The following ADAMTS4 variants were observed in gnomAD, a reference collection of about 807,000 sequenced individuals.
ADAMTS4 encodes A disintegrin and metalloproteinase with thrombospondin motifs 4.
ADAMTS4 carries 38 observed loss-of-function variants against 66.7 expected under a neutral mutation model. The observed-to-expected ratio is 0.57, with a 90% confidence interval of 0.44 to 0.75. The LOEUF (loss-of-function observed/expected upper bound fraction) is 0.75, where lower values mean the gene tolerates loss of function less well. Among genes scored for constraint, ADAMTS4 ranks in the 30% least tolerant of loss-of-function variants. ADAMTS4 has a pLI of 0.00. For missense variants in ADAMTS4, 1,014 were observed against 1,116.7 expected, an observed-to-expected ratio of 0.91 and a Z score of 1.31; for synonymous variants, 418 against 461.5, an observed-to-expected ratio of 0.91 and a Z score of 1.21.
chr1:161,187,390 C>G lies in ADAMTS4; in HGVS notation c.*3748G>C, dbSNP rs1389426494. On this transcript the variant is annotated 3_prime_UTR_variant, in exon 9 of 9. Coordinates refer to ENST00000367996, the MANE Select transcript of ADAMTS4 (RefSeq NM_005099.6). ...AACTAGATGAAACGAGTAAAGATCACTATTGTCTTGTCTCCATCTTCTTCA... is the reference window on the plus strand; with the variant it reads ...AACTAGATGAAACGAGTAAAGATCAGTATTGTCTTGTCTCCATCTTCTTCA... 1 of 152,154 alleles carries G rather than the reference C, an allele frequency of 6.6e-6. No individual in the cohort carries two copies. The highest frequency in any genetic ancestry group is 1.5e-5 in the Non-Finnish European group (1 of 68,048). The allele number at this position is 152,154 out of a possible 1,614,324, so 9.4% of individuals were successfully genotyped here.
intron 8 of ADAMTS4, among the ~76,000 whole-genome samples, chr1:161,191,794 T>C (rs1664690426): frequency 1.3e-5 from 2 of 152,084 alleles, no homozygotes; most frequent in African/African-American, 4.8e-5. Context: ...AAGCCCCACT[T>C]CCTTGGTACC....
In ADAMTS4 at chr1:161,186,800, A is replaced by C. The variant is rs1487592796; in HGVS notation, c.*4338T>G. The C allele has an allele frequency of 1.3e-5, 2 of 152,118 alleles. No homozygotes were observed. Among genetic ancestry groups the C allele is most frequent in the African/African-American group, 4.8e-5 (2 of 41,386 alleles). 9.4% of individuals were successfully genotyped at this position (152,118 alleles called of 1,614,324 possible). A position where few individuals can be genotyped will look rare whatever the true frequency, so the allele number is the denominator to read the frequency against. ...GATCCCTTGAGGCCAGGAGTTCAAG[A>C]CCAGCCTGGGCAATATGATAAGACC... On this transcript the variant is annotated 3_prime_UTR_variant, in exon 9 of 9. Coordinates refer to ENST00000367996, the MANE Select transcript of ADAMTS4 (RefSeq NM_005099.6).
intron 3 of ADAMTS4, 72 bp downstream of exon 3, chr1:161,196,099 A>G: frequency 6.6e-7 from 1 of 1,514,096 alleles, no homozygotes; most frequent in Admixed American, 2.1e-5. Context: ...CCCCATTAAC[A>G]CTGTGGTGAA....
Position 161,193,500 on chromosome 1 carries a change from G to C in ADAMTS4, c.1736-112C>G. On this transcript the variant is annotated intron_variant, in intron 6 of 8. Coordinates refer to ENST00000367996, the MANE Select transcript of ADAMTS4 (RefSeq NM_005099.6). The surrounding 1 kb of genome is among the most constrained non-coding windows in gnomAD (Gnocchi z 4.4). The stretch of plus-strand genomic sequence containing the variant: ...CACAGCTCTGCTCTTCCCTGCAGAC[G>C]GCCAAGGACAATTCCCAGAGGTTAA... The C allele has an allele frequency of 6.6e-7, 1 of 1,516,716 alleles. No individual in the cohort carries two copies. Among genetic ancestry groups the C allele is most frequent in the Admixed American group, 1.9e-5 (1 of 52,916 alleles). 94.0% of individuals were successfully genotyped at this position (1,516,716 alleles called of 1,614,324 possible). A position where few individuals can be genotyped will look rare whatever the true frequency, so the allele number is the denominator to read the frequency against.
Position 161,193,257 on chromosome 1 carries a change from AGGTGAGTTTGCACTGGTCCTGG to A in ADAMTS4, c.1845_1866del (p.Gln616AlafsTer17). Reference sequence around the variant, plus strand: ...TAGTAGCCCAGTGCCTGGGCCTGGCAGGTGAGTTTGCACTGGTCCTGGGGGGCCACGCCTGTGTAGCGAGGAA... The same window carrying A: ...TAGTAGCCCAGTGCCTGGGCCTGGCAGGGGCCACGCCTGTGTAGCGAGGAA... On this transcript the variant is annotated frameshift_variant, in exon 7 of 9. Transcript: ENST00000367996. LOFTEE classifies it high-confidence loss of function. The surrounding 1 kb of genome is among the most constrained non-coding windows in gnomAD (Gnocchi z 4.4). The A allele has an allele frequency of 6.2e-7, 1 of 1,614,034 alleles. No homozygotes were observed. Among genetic ancestry groups the A allele is most frequent in the South Asian group, 1.1e-5 (1 of 91,078 alleles).
Position 161,194,717 on chromosome 1 carries a change from G to A in ADAMTS4, c.1262-496C>T, listed in dbSNP as rs1199721801. On this transcript the variant is annotated intron_variant, in intron 4 of 8. Transcript: ENST00000367996. This position sits in a 1 kb window ranked among gnomAD's most constrained non-coding sequence, Gnocchi z 4.1. ...TAAGAGGCTTTAATGGGCAGCTATA[G>A]TTTATTGGATGCTTATTATGAGATG... 1.3e-5 allele frequency among the ~76,000 whole-genome samples: 2 copies of A among 152,168 alleles called. No individual in the cohort carries two copies. Among genetic ancestry groups the A allele is most frequent in the African/African-American group, 2.4e-5 (1 of 41,438 alleles).
rs752775816 is a variant in ADAMTS4 at position 161,196,569 on chromosome 1, C to T, written c.945G>A (p.Leu315=). The part of the protein sequence containing the change: ...SDPDHFDTAI[L]FTRQDLCGVS... ...ACTGGGGCCTCACCTGACGGGTAAA[C>T]AGAATGGCTGTGTCAAAGTGGTCAG... Residue 315 remains leucine (L), a synonymous_variant, in exon 2 of 9, where the codon CTG becomes CTA. Transcript: ENST00000367996. 1.9e-6 allele frequency: 3 copies of T among 1,614,006 alleles called. No individual in the cohort carries two copies. Among genetic ancestry groups the T allele is most frequent in the African/African-American group, 1.3e-5 (1 of 74,928 alleles).
chr1:161,192,369 G>T, intron 7 of ADAMTS4, 129 bp from the exon 8 acceptor site: 1 of 764,998 alleles, frequency 1.3e-6, no homozygotes, highest in Non-Finnish European at 2.1e-6. Flanking sequence ...AGGGGATGTA[G>T]ATGGGTGAGT....
intron 4 of ADAMTS4, 106 bp downstream of exon 4, chr1:161,195,359 A>G (rs1664785400): frequency 1.6e-6 from 2 of 1,214,546 alleles, no homozygotes; most frequent in East Asian, 2.5e-5. Context: ...GAGGAAGCAC[A>G]CTTGGGGGAG....
rs1465207284 is a variant in ADAMTS4 at position 161,193,994 on chromosome 1, G to C, written c.1489C>G (p.Pro497Ala). 6.2e-7 allele frequency: 1 copy of C among 1,612,148 alleles called. No individual in the cohort carries two copies. Among genetic ancestry groups the C allele is most frequent in the Admixed American group, 1.7e-5 (1 of 59,952 alleles). Residue 497 changes from proline (P) to alanine (A), a missense_variant, in exon 5 of 9, where the codon CCC becomes GCC. By Grantham distance (27) the Pro-to-Ala change is conservative. Coordinates refer to ENST00000367996, the MANE Select transcript of ADAMTS4 (RefSeq NM_005099.6). This position sits in a 1 kb window ranked among gnomAD's most constrained non-coding sequence, Gnocchi z 4.4. ...CGACCACCCATGCAGGCCTGTGCGG[G>C]CCCGCAGGGTGTGCCATCGGCCCAG... ...SPWADGTPCG[P>A]AQACMGGRCL...
At position 161,193,938 on chromosome 1, in the gene ADAMTS4, G is replaced by A. The variant is rs1276276860; in HGVS notation, c.1545C>T (p.Phe515=). 2 of 1,575,338 alleles carry A rather than the reference G, an allele frequency of 1.3e-6. No homozygotes were observed. The highest frequency in any genetic ancestry group is 8.6e-7 in the Non-Finnish European group (1 of 1,157,604). The change falls in exon 5 of 9, where the codon TTC becomes TTT. Residue 515 remains phenylalanine, a synonymous_variant. Coordinates refer to ENST00000367996, the MANE Select transcript of ADAMTS4 (RefSeq NM_005099.6). The surrounding 1 kb of genome is among the most constrained non-coding windows in gnomAD (Gnocchi z 4.4). ...CACCCCTGCCCTAGGATCTCACATT[G>A]AAGTCCTGGAGCTGGTCCATGTGGA... ...RCLHMDQLQD[F]NIPQAGGWGP...
rs780418385 is a variant in ADAMTS4 at position 161,191,513 on chromosome 1, A to G, written c.2139T>C (p.Leu713=). The G allele has an allele frequency of 1.2e-6, 2 of 1,613,902 alleles. No individual in the cohort carries two copies. Among genetic ancestry groups the G allele is most frequent in the Admixed American group, 1.7e-5 (1 of 60,002 alleles). The part of the protein sequence containing the change: ...VTIPAGATHI[L]VRQQGNPGHR... ...GGCCAGGGTTTCCCTGCTGCCGGAC[A>G]AGAATGTGGGTGGCCCCCGCGGGGA... The change falls in exon 9 of 9, where the codon CTT becomes CTC. Residue 713 remains leucine (L), a synonymous_variant. Transcript: ENST00000367996.
chr1:161,192,385 C>A (rs931493777), intron 7 of ADAMTS4, 145 bp from the exon 8 acceptor site: 11 of 622,614 alleles, frequency 1.8e-5, no homozygotes, highest in African/African-American at 1.5e-4. Context: ...TGAGTGCCGG[C>A]CACCATGTGG....
chr1:161,193,898 C>T lies in ADAMTS4; in HGVS notation c.1548+37G>A. 2 of 1,563,222 alleles carry T rather than the reference C, an allele frequency of 1.3e-6. No homozygotes were observed. The highest frequency in any genetic ancestry group is 1.7e-6 in the Non-Finnish European group (2 of 1,152,242). ...GGGCTTAAGGCCAGTCCCCACACCCCCGGGCCCTTTACCCCACCCCTGCCC... is the reference window on the plus strand; with the variant it reads ...GGGCTTAAGGCCAGTCCCCACACCCTCGGGCCCTTTACCCCACCCCTGCCC... On this transcript the variant is annotated intron_variant, in intron 5 of 8. Coordinates refer to ENST00000367996, the MANE Select transcript of ADAMTS4 (RefSeq NM_005099.6). This position sits in a 1 kb window ranked among gnomAD's most constrained non-coding sequence, Gnocchi z 4.4.
rs938583379 is a variant in ADAMTS4 at position 161,195,964 on chromosome 1, G to C, written c.1090+207C>G. On this transcript the variant is annotated intron_variant, in intron 3 of 8. Coordinates refer to ENST00000367996, the MANE Select transcript of ADAMTS4 (RefSeq NM_005099.6). The stretch of plus-strand genomic sequence containing the variant: ...ACACACACACACACACACACACACA[G>C]AGGAGTTCACAGTAGTTTCGACCAA... 21 of 514,074 alleles carry C rather than the reference G, an allele frequency of 4.1e-5. No individual in the cohort carries two copies. The highest frequency in any genetic ancestry group is 6.3e-5 in the Non-Finnish European group (19 of 303,000). 31.8% of individuals were successfully genotyped at this position (514,074 alleles called of 1,614,324 possible). A position where few individuals can be genotyped will look rare whatever the true frequency, so the allele number is the denominator to read the frequency against.
At position 161,186,533 on chromosome 1, in the gene ADAMTS4, G is replaced by C. The variant is rs1664543788; in HGVS notation, c.*4605C>G. On this transcript the variant is annotated 3_prime_UTR_variant, in exon 9 of 9. Coordinates refer to ENST00000367996, the MANE Select transcript of ADAMTS4 (RefSeq NM_005099.6). ...TGAGAACCCTACTTGGTGAGCGAAG[G>C]GCTTTCTCTTAAAATAACAGGCAGA... 6.6e-6 allele frequency: 1 copy of C among 151,562 alleles called. No individual in the cohort carries two copies. The highest frequency in any genetic ancestry group is 1.5e-5 in the Non-Finnish European group (1 of 67,756). The allele number at this position is 151,562 out of a possible 1,614,324, so 9.4% of individuals were successfully genotyped here.
chr1:161,193,964 G>A lies in ADAMTS4; in HGVS notation c.1519C>T (p.Leu507Phe), dbSNP rs141276844. Residue 507 changes from leucine (L) to phenylalanine (F), a missense_variant, in exon 5 of 9, where the codon CTC (leucine) becomes TTC (phenylalanine). Coordinates refer to ENST00000367996, the MANE Select transcript of ADAMTS4 (RefSeq NM_005099.6). This position sits in a 1 kb window ranked among gnomAD's most constrained non-coding sequence, Gnocchi z 4.4. ...AAGTCCTGGAGCTGGTCCATGTGGAGGCAGCGACCACCCATGCAGGCCTGT... is the reference window on the plus strand; with the variant it reads ...AAGTCCTGGAGCTGGTCCATGTGGAAGCAGCGACCACCCATGCAGGCCTGT... ...PAQACMGGRC[L>F]HMDQLQDFNI... 236 of 1,593,712 alleles carry A rather than the reference G, an allele frequency of 1.5e-4. No homozygotes were observed. Among genetic ancestry groups the A allele is most frequent in the Non-Finnish European group, 1.9e-4 (221 of 1,166,654 alleles).
chr1:161,193,415 CTCCT>C lies in ADAMTS4; in HGVS notation c.1736-31_1736-28del. The C allele has an allele frequency of 6.2e-7, 1 of 1,605,450 alleles. No homozygotes were observed. ...TGGAGGGGTAAAACAGTCAGAGCCCCTCCTTCCTTCCTCACATCACCCCACATCC... is the reference window on the plus strand; with the variant it reads ...TGGAGGGGTAAAACAGTCAGAGCCCCTCCTTCCTCACATCACCCCACATCC... On this transcript the variant is annotated intron_variant, in intron 6 of 8. Transcript: ENST00000367996. This position sits in a 1 kb window ranked among gnomAD's most constrained non-coding sequence, Gnocchi z 4.4.
In ADAMTS4 at chr1:161,194,302, T is replaced by A; in HGVS notation, c.1262-81A>T. 7.6e-7 allele frequency: 1 copy of A among 1,314,910 alleles called. No homozygotes were observed. Among genetic ancestry groups the A allele is most frequent in the Non-Finnish European group, 1.1e-6 (1 of 946,092 alleles). 81.5% of individuals were successfully genotyped at this position (1,314,910 alleles called of 1,614,324 possible). Reference sequence around the variant, plus strand: ...TTGCCAGCAGAAAGCTTAGGCTCCCTGGGGCCTGATGGAGCCTAGAAAAAC... The same window carrying A: ...TTGCCAGCAGAAAGCTTAGGCTCCCAGGGGCCTGATGGAGCCTAGAAAAAC... On this transcript the variant is annotated intron_variant, in intron 4 of 8. Transcript: ENST00000367996. This position sits in a 1 kb window ranked among gnomAD's most constrained non-coding sequence, Gnocchi z 4.1.
Sources: gnomAD v4.1 joint callset for allele counts (sites outside exome capture counted in the v4.1 genomes callset) on GRCh38, gnomAD v4.1.1 for gene constraint, Gnocchi (gnomAD v3.1) non-coding constraint, MANE v1.5 for transcripts, NCBI Gene and HGNC (gene_info 2026-07-23, HGNC 2026-07-21) for gene names.